HOOK3: variants seen among roughly 807,000 people sequenced by gnomAD.
The protein encoded by HOOK3 is hook microtubule tethering protein 3.
A neutral mutation model predicts 116.3 loss-of-function variants in HOOK3; 24 were observed. The ratio of observed to expected loss-of-function variants is 0.21; its 90% CI spans 0.15 to 0.29. The LOEUF (loss-of-function observed/expected upper bound fraction) is 0.29, where lower values mean the gene tolerates loss of function less well. Among genes scored for constraint, HOOK3 ranks in the 10% least tolerant of loss-of-function variants. HOOK3 has a pLI of 1.00. For missense variants in HOOK3, 632 were observed against 830.2 expected (o/e 0.76, Z 2.93); for synonymous variants, 275 against 283.0 (o/e 0.97, Z 0.28).
At chr8:42,962,898 T>A (rs1442102417) in intron 8 of HOOK3, among the ~76,000 whole-genome samples, 1 of 149,216 alleles carries the variant, frequency 6.7e-6, no homozygotes, top group Non-Finnish European at 1.5e-5. Context: ...GCCTCCCAGG[T>A]TCAAGCTATT....
rs1808451495 is a variant in HOOK3, at chr8:42,957,124, G to A, written c.499G>A (p.Gly167Arg). The change falls in exon 7 of 22, where the codon GGA becomes AGA. Residue 167 changes from glycine (G) to arginine (R), a missense_variant. Gly to Arg is a moderately radical substitution (Grantham distance 125). Coordinates refer to ENST00000307602, the MANE Select transcript of HOOK3 (RefSeq NM_032410.4). The part of the protein sequence containing the change: ...LMSKESPVSA[G>R]NDAYVDLDRQ... ...GAGTAAAGAATCTCCTGTCTCTGCTGGAAATGATGCCTATGTTGACCTTGA... is the reference window on the plus strand; with the variant it reads ...GAGTAAAGAATCTCCTGTCTCTGCTAGAAATGATGCCTATGTTGACCTTGA... 1 of 1,595,864 alleles carries A rather than the reference G, an allele frequency of 6.3e-7. No homozygotes were observed.
chr8:42,906,363 G>C (rs545493717), intron 2 of HOOK3, 105 bp downstream of exon 2: 38 of 802,328 alleles, frequency 4.7e-5, no homozygotes, highest in Non-Finnish European at 6.5e-5. Context: ...TGTAGAGTAA[G>C]AGTTGTAGGC....
At chr8:42,981,788 G>T (rs932940594) in intron 13 of HOOK3, among the ~76,000 whole-genome samples, 10 of 150,538 alleles carry the variant, frequency 6.6e-5, no homozygotes, top group African/African-American at 2.5e-4. Context: ...GCAGGCTGAG[G>T]TAGGAGAATT....
chr8:43,002,743 A>G (rs1423763548), intron 17 of HOOK3, among the ~76,000 whole-genome samples: 2 of 152,154 alleles, frequency 1.3e-5, no homozygotes, highest in East Asian at 1.9e-4. Flanking sequence ...CAGGGTCACT[A>G]TGTTTCCCAG....
At chr8:43,007,016 ATTTTTTTT>A (rs58609523) in intron 17 of HOOK3, among the ~76,000 whole-genome samples, 123 of 103,266 alleles carry the variant, frequency 1.2e-3, no homozygotes, top group African/African-American at 5.1e-3. Context: ...AAGTTCCTAG[ATTTTTTTT>A]TTTTTTTTTT....
intron 11 of HOOK3, among the ~76,000 whole-genome samples, chr8:42,972,920 T>C (rs558725712): frequency 1.7e-3 from 252 of 152,342 alleles, no homozygotes; most frequent in African/African-American, 5.8e-3. Flanking sequence ...GGTTTTAATC[T>C]CTGAGGATTT....
chr8:42,982,735 A>G (rs1563307193), intron 14 of HOOK3, 39 bp downstream of exon 14: 4 of 1,305,290 alleles, frequency 3.1e-6, no homozygotes, highest in Non-Finnish European at 4.4e-6. Flanking sequence ...ACTGCACAGT[A>G]TTCTTGGAGA....
At chr8:42,905,891 GC>G (rs1305907058) in intron 1 of HOOK3, among the ~76,000 whole-genome samples, 1 of 151,780 alleles carries the variant, frequency 6.6e-6, no homozygotes, top group Non-Finnish European at 1.5e-5. Context: ...TACAAGACCA[GC>G]CTGGCCAACA....
chr8:42,978,633 C>T (rs547763591), intron 13 of HOOK3, among the ~76,000 whole-genome samples: 7 of 151,986 alleles, frequency 4.6e-5, no homozygotes, highest in South Asian at 4.2e-4. Context: ...AGGCTGGTTT[C>T]GAACTCCTGA....
intron 5 of HOOK3, among the ~76,000 whole-genome samples, chr8:42,949,044 G>T (rs1368668281): frequency 6.6e-6 from 1 of 152,176 alleles, no homozygotes; most frequent in African/African-American, 2.4e-5. Context: ...TTTAAATCCT[G>T]TGTTGGGTAG....
intron 19 of HOOK3, among the ~76,000 whole-genome samples, chr8:43,011,395 G>A (rs897425716): frequency 3.9e-5 from 6 of 151,916 alleles, no homozygotes; most frequent in Non-Finnish European, 7.4e-5. Context: ...GCATTATGAG[G>A]CCTGAATAAC....
At chr8:42,943,760 C>G (rs546713682) in intron 5 of HOOK3, among the ~76,000 whole-genome samples, 1 of 152,266 alleles carries the variant, frequency 6.6e-6, no homozygotes, top group East Asian at 1.9e-4. Flanking sequence ...AAAAAATGAG[C>G]AGAGACATAC....
intron 11 of HOOK3, among the ~76,000 whole-genome samples, chr8:42,972,558 C>A (rs369514735): frequency 3.9e-5 from 6 of 152,134 alleles, no homozygotes; most frequent in Non-Finnish European, 7.3e-5. Flanking sequence ...ACATGTGCCA[C>A]CACACCCAGC....
intron 6 of HOOK3, among the ~76,000 whole-genome samples, chr8:42,951,961 A>G (rs1275965807): frequency 6.6e-6 from 1 of 152,194 alleles, no homozygotes; most frequent in East Asian, 1.9e-4. Context: ...AAAATACAAA[A>G]GAAAAACATG....
chr8:42,986,165 G>T (rs1809046163), intron 14 of HOOK3, among the ~76,000 whole-genome samples: 1 of 152,194 alleles, frequency 6.6e-6, no homozygotes, highest in Admixed American at 6.5e-5. Flanking sequence ...GTCCAAAACA[G>T]TGCAGTCCAG....
chr8:42,902,027 T>TAAGC (rs1341091254), intron 1 of HOOK3, among the ~76,000 whole-genome samples: 1 of 152,098 alleles, frequency 6.6e-6, no homozygotes, highest in African/African-American at 2.4e-5. Context: ...TCTTAACAAC[T>TAAGC]AAGTTACTTG....
intron 11 of HOOK3, among the ~76,000 whole-genome samples, chr8:42,971,802 T>A (rs1808733127): frequency 6.6e-6 from 1 of 152,108 alleles, no homozygotes. Context: ...TGCCACAGTC[T>A]CCCGAGTAGC....
At chr8:42,912,832 C>T (rs13276426) in intron 2 of HOOK3, among the ~76,000 whole-genome samples, 7,542 of 152,210 alleles carry the variant, frequency 0.05, 229 homozygotes, top group South Asian at 0.083. Flanking sequence ...TTGACAAATG[C>T]GTTTTATGTA....
chr8:42,947,860 G>GTA (rs1808265278), intron 5 of HOOK3, among the ~76,000 whole-genome samples: 1 of 149,858 alleles, frequency 6.7e-6, no homozygotes, highest in African/African-American at 2.5e-5. Context: ...GTGTGTGTGT[G>GTA]TATGTGTGTG....
Sources: gnomAD v4.1 joint callset for allele counts (sites outside exome capture counted in the v4.1 genomes callset) on GRCh38, gnomAD v4.1.1 for gene constraint, MANE v1.5 for transcripts, NCBI Gene and HGNC (gene_info 2026-07-23, HGNC 2026-07-21) for gene names.